RABGAP1L: variants seen among roughly 807,000 people sequenced by gnomAD.
RABGAP1L encodes the protein RAB GTPase activating protein 1 like, also known as rab GTPase-activating protein 1-like.
RABGAP1L carries 63 observed loss-of-function variants against 137.7 expected under a neutral mutation model. The ratio of observed to expected loss-of-function variants is 0.46; its 90% CI spans 0.37 to 0.56. The LOEUF (loss-of-function observed/expected upper bound fraction) is 0.56, where lower values mean the gene tolerates loss of function less well. Ranked by LOEUF, RABGAP1L falls within the 20% of genes least tolerant of loss-of-function variation. The pLI, the probability that RABGAP1L is intolerant of heterozygous loss-of-function variation, is 0.00. For missense variants in RABGAP1L, 1,095 were observed against 1,244.0 expected (o/e 0.88, Z 1.80); for synonymous variants, 431 against 433.7 (o/e 0.99, Z 0.08).
At chr1:174,519,090 TAC>T (rs542053737) in intron 13 of RABGAP1L, among the ~76,000 whole-genome samples, 37 of 150,368 alleles carry the variant, frequency 2.5e-4, no homozygotes, top group African/African-American at 3.6e-4. Context: ...AATATATATA[TAC>T]ACACACACAC....
chr1:174,370,881 GT>G, intron 11 of RABGAP1L, 97 bp from the exon 12 acceptor site: 1 of 538,648 alleles, frequency 1.9e-6, no homozygotes, highest in Non-Finnish European at 3.1e-6. Context: ...AGAGAAGCTG[GT>G]TTTATTAGAC....
At chr1:174,919,310 G>A (rs1367280088) in intron 19 of RABGAP1L, among the ~76,000 whole-genome samples, 3 of 152,114 alleles carry the variant, frequency 2.0e-5, no homozygotes, top group Non-Finnish European at 4.4e-5. Context: ...GAGCCACTGC[G>A]CCTGGCCAAT....
In RABGAP1L at chr1:174,371,009, G is replaced by T. The variant is rs377531997; in HGVS notation, c.1496G>T (p.Gly499Val). 4 of 1,496,252 alleles carry T rather than the reference G, an allele frequency of 2.7e-6. No individual in the cohort carries two copies. Among genetic ancestry groups the T allele is most frequent in the Admixed American group, 1.7e-5 (1 of 59,012 alleles). 92.7% of individuals were successfully genotyped at this position (1,496,252 alleles called of 1,614,324 possible). A position where few individuals can be genotyped will look rare whatever the true frequency, so the allele number is the denominator to read the frequency against. The change falls in exon 12 of 26, where the codon GGT becomes GTT. Residue 499 changes from glycine (G) to valine (V), a missense_variant. Transcript: ENST00000681986. ...ESDNELSSGT[G>V]DVSKDCPEKI... ...GATAATGAACTCTCAAGTGGAACAG[G>T]TGATGTGTCTAAGGATTGTCCTGAG...
rs1672632918 is a variant in RABGAP1L at position 174,250,532 on chromosome 1, T to C, written c.775T>C (p.Ser259Pro). 1 of 1,613,702 alleles carries C rather than the reference T, an allele frequency of 6.2e-7. No homozygotes were observed. Among genetic ancestry groups the C allele is most frequent in the African/African-American group, 1.3e-5 (1 of 74,920 alleles). The change falls in exon 6 of 26, where the codon TCT becomes CCT. Residue 259 changes from serine to proline, a missense_variant. Ser to Pro is a moderately conservative substitution (Grantham distance 74). Coordinates refer to ENST00000681986, the MANE Select transcript of RABGAP1L (RefSeq NM_001366446.1). The stretch of plus-strand genomic sequence containing the variant: ...ATTCAAACGTTCTTCCAGACAAGTG[T>C]CTGATGTTAAAGACTCAGTTATTCC... ...TAFKRSSRQV[S>P]DVKDSVIPTP... is the part of the protein sequence containing the mutation.
chr1:174,410,745 T>C (rs985091792), intron 13 of RABGAP1L, among the ~76,000 whole-genome samples: 8 of 152,142 alleles, frequency 5.3e-5, no homozygotes, highest in Non-Finnish European at 7.4e-5. Flanking sequence ...TCCATATGAA[T>C]TTTAGAATAG....
intron 17 of RABGAP1L, among the ~76,000 whole-genome samples, chr1:174,747,494 A>T (rs1394236004): frequency 3.3e-5 from 5 of 150,864 alleles, no homozygotes; most frequent in Non-Finnish European, 7.4e-5. Flanking sequence ...ATTTGTTTGC[A>T]TCGTCTAGCC....
At chr1:174,350,317 G>T (rs1334411701) in intron 11 of RABGAP1L, among the ~76,000 whole-genome samples, 23 of 93,052 alleles carry the variant, frequency 2.5e-4, no homozygotes, top group South Asian at 5.0e-4. Flanking sequence ...GGGCGGAGGG[G>T]CTCCTCACTT....
intron 11 of RABGAP1L, among the ~76,000 whole-genome samples, chr1:174,348,044 T>G (rs1682615499): frequency 6.6e-6 from 1 of 152,090 alleles, no homozygotes. Flanking sequence ...TTCCTGACAT[T>G]TTGTTATTTG....
intron 13 of RABGAP1L, among the ~76,000 whole-genome samples, chr1:174,624,015 C>A (rs890455615): frequency 2.0e-5 from 3 of 152,212 alleles, no homozygotes; most frequent in African/African-American, 7.2e-5. Flanking sequence ...GATGAAATGG[C>A]TCCATATTGT....
At chr1:174,777,037 G>T (rs569494707) in intron 18 of RABGAP1L, among the ~76,000 whole-genome samples, 1 of 152,228 alleles carries the variant, frequency 6.6e-6, no homozygotes, top group South Asian at 2.1e-4. Context: ...ACATAAAAAG[G>T]ATCATTAGTT....
chr1:174,587,201 A>G (rs1444679331), intron 13 of RABGAP1L, among the ~76,000 whole-genome samples: 2 of 145,014 alleles, frequency 1.4e-5, no homozygotes, highest in Non-Finnish European at 3.0e-5. Flanking sequence ...TAATGCCGCA[A>G]TAAACATATG....
chr1:174,277,197 G>A (rs1675072559), intron 9 of RABGAP1L, among the ~76,000 whole-genome samples: 1 of 151,596 alleles, frequency 6.6e-6, no homozygotes. Context: ...TAAAAATAAA[G>A]GCTAAACAGA....
At chr1:174,613,542 G>T (rs1188301794) in intron 13 of RABGAP1L, among the ~76,000 whole-genome samples, 2 of 152,174 alleles carry the variant, frequency 1.3e-5, no homozygotes, top group Non-Finnish European at 2.9e-5. Context: ...TGTTGATTTG[G>T]GGTGGAGAGT....
chr1:174,499,227 T>G (rs945447156), intron 13 of RABGAP1L, among the ~76,000 whole-genome samples: 1 of 151,268 alleles, frequency 6.6e-6, no homozygotes, highest in Admixed American at 6.6e-5. Context: ...TTTACAGAAC[T>G]TAGAAATTTA....
intron 19 of RABGAP1L, among the ~76,000 whole-genome samples, chr1:174,946,917 A>AAAATAT (rs1553290951): frequency 6.7e-5 from 4 of 59,808 alleles, no homozygotes; most frequent in African/African-American, 9.2e-5. Context: ...AAAAAAAAAA[A>AAAATAT]ATATATATAT....
chr1:174,272,277 G>T, intron 7 of RABGAP1L, 137 bp from the exon 8 acceptor site: 3 of 715,964 alleles, frequency 4.2e-6, no homozygotes, highest in East Asian at 3.5e-5. Flanking sequence ...CTTATTTCTG[G>T]TGTTTTTAGA....
intron 13 of RABGAP1L, among the ~76,000 whole-genome samples, chr1:174,492,848 A>G (rs1237778128): frequency 6.6e-6 from 1 of 152,026 alleles, no homozygotes; most frequent in Non-Finnish European, 1.5e-5. Context: ...TTCTTCCTTC[A>G]TCACTCACTG....
At chr1:174,981,548 A>ATTTTTTT (rs1671109153) in intron 23 of RABGAP1L, among the ~76,000 whole-genome samples, 18 of 67,346 alleles carry the variant, frequency 2.7e-4, no homozygotes, top group East Asian at 1.3e-3. Flanking sequence ...CTGTTTTTCC[A>ATTTTTTT]TCTTTTTTTT....
chr1:174,823,181 C>T (rs962867662), intron 19 of RABGAP1L, among the ~76,000 whole-genome samples: 44 of 152,110 alleles, frequency 2.9e-4, no homozygotes, highest in Admixed American at 2.0e-4. Flanking sequence ...ACCTAATTCA[C>T]GCCCAGCAGT....
Sources: allele counts gnomAD v4.1 joint callset (sites outside exome capture counted in the v4.1 genomes callset), GRCh38; gene constraint gnomAD v4.1.1; transcripts MANE v1.5; gene names NCBI Gene and HGNC (gene_info 2026-07-23, HGNC 2026-07-21).